DSCAML1: variants seen among roughly 807,000 people sequenced by gnomAD.
The protein encoded by DSCAML1 is DS cell adhesion molecule like 1, also known as cell adhesion molecule DSCAML1.
A neutral mutation model predicts 200.5 loss-of-function variants in DSCAML1; 38 were observed. The observed-to-expected ratio is 0.19, with a 90% CI of 0.15 to 0.25. The LOEUF (loss-of-function observed/expected upper bound fraction) is 0.25. DSCAML1 is among the 10% of genes least tolerant of loss of function. The pLI is 1.00. For synonymous variants in DSCAML1, 1,215 were observed against 1,165.0 expected (o/e 1.04, Z -0.87); for missense variants, 2,223 against 2,858.8 (o/e 0.78, Z 5.07).
intron 3 of DSCAML1, among the ~76,000 whole-genome samples, chr11:117,701,274 T>TAAAG (rs1326757367): frequency 6.7e-6 from 1 of 149,206 alleles, no homozygotes; most frequent in Non-Finnish European, 1.5e-5. Context: ...TCAAAATAAA[T>TAAAG]AAATAAATAA....
intron 1 of DSCAML1, among the ~76,000 whole-genome samples, chr11:117,814,530 T>A (rs2055787288): frequency 6.6e-6 from 1 of 152,192 alleles, no homozygotes. Flanking sequence ...TGGTAATCAA[T>A]CACTCATTCA....
intron 4 of DSCAML1, among the ~76,000 whole-genome samples, chr11:117,527,255 T>C (rs1236572819): frequency 6.6e-6 from 1 of 152,174 alleles, no homozygotes; most frequent in African/African-American, 2.4e-5. Flanking sequence ...CTTCAGAAAG[T>C]ATAGAAGAGC....
At chr11:117,726,931 C>T (rs190152185) in intron 3 of DSCAML1, among the ~76,000 whole-genome samples, 1 of 152,234 alleles carries the variant, frequency 6.6e-6, no homozygotes, top group African/African-American at 2.4e-5. Context: ...GTACCCCAGG[C>T]AGCACGTAGC....
chr11:117,667,642 C>T (rs537732784), intron 3 of DSCAML1, among the ~76,000 whole-genome samples: 2 of 152,318 alleles, frequency 1.3e-5, no homozygotes, highest in Admixed American at 1.3e-4. Context: ...TTCCCACTAG[C>T]CCCTCAGCCT....
intron 3 of DSCAML1, among the ~76,000 whole-genome samples, chr11:117,650,700 T>TGTGTGGGCGC (rs147584706): frequency 6.8e-6 from 1 of 147,352 alleles, no homozygotes; most frequent in East Asian, 2.1e-4. Context: ...TGTGTGTGTG[T>TGTGTGGGCGC]GCGTGTGTGT....
intron 14 of DSCAML1, among the ~76,000 whole-genome samples, chr11:117,479,166 TC>T: frequency 6.6e-6 from 1 of 152,224 alleles, no homozygotes; most frequent in Admixed American, 6.5e-5. Context: ...ACTTGGCCAA[TC>T]AAGAGGAGAG....
chr11:117,654,644 CT>C (rs2052697918), intron 3 of DSCAML1, among the ~76,000 whole-genome samples: 1 of 152,170 alleles, frequency 6.6e-6, no homozygotes, highest in African/African-American at 2.4e-5. Context: ...GATGTCACTG[CT>C]CTGGGAAGCT....
At position 117,714,871 on chromosome 11, in the gene DSCAML1, T is replaced by C. The variant is rs1409689583; in HGVS notation, c.511+61920A>G. Reference sequence around the variant, plus strand: ...AAGGTGCCACACTTGCCCAAAGCCATGGAGACACACGATGACGCAGCTGGA... The same window carrying C: ...AAGGTGCCACACTTGCCCAAAGCCACGGAGACACACGATGACGCAGCTGGA... On this transcript the variant is annotated intron_variant, in intron 3 of 32. Transcript: ENST00000651296. Among the ~76,000 whole-genome samples the C allele has an allele frequency of 1.0e-4, 14 of 137,114 alleles. No individual in the cohort carries two copies. In the South Asian group the frequency reaches 1.9e-3, roughly 19 times the overall value. 90.0% of individuals were successfully genotyped at this position (137,114 alleles called of 152,430 possible).
At chr11:117,738,000 T>A (rs1591456572) in intron 3 of DSCAML1, among the ~76,000 whole-genome samples, 1 of 152,022 alleles carries the variant, frequency 6.6e-6, no homozygotes, top group African/African-American at 2.4e-5. Context: ...TGGAAAGAAA[T>A]TGGAGGCACT....
intron 11 of DSCAML1, among the ~76,000 whole-genome samples, chr11:117,483,493 A>G (rs1243762412): frequency 2.6e-5 from 4 of 152,214 alleles, no homozygotes; most frequent in African/African-American, 9.6e-5. Flanking sequence ...AGTGAATAGG[A>G]CAAACATGGC....
intron 21 of DSCAML1, among the ~76,000 whole-genome samples, chr11:117,440,202 C>G (rs983151806): frequency 6.6e-6 from 1 of 152,150 alleles, no homozygotes; most frequent in African/African-American, 2.4e-5. Flanking sequence ...CCTGTCCTCA[C>G]GTTGATCACC....
chr11:117,592,122 G>A (rs1310012086), intron 3 of DSCAML1, among the ~76,000 whole-genome samples: 1 of 152,080 alleles, frequency 6.6e-6, no homozygotes, highest in Non-Finnish European at 1.5e-5. Flanking sequence ...GGTAGGGCAG[G>A]GGCCCTAGGA....
Position 117,435,753 on chromosome 11 carries a change from C to T in DSCAML1, c.4767G>A (p.Val1589=). 1 of 1,613,458 alleles carries T rather than the reference C, an allele frequency of 6.2e-7. No individual in the cohort carries two copies. The highest frequency in any genetic ancestry group is 8.5e-7 in the Non-Finnish European group (1 of 1,179,402). Residue 1589 remains valine (V), a synonymous_variant, in exon 27 of 33, where the codon GTG becomes GTA. Coordinates refer to ENST00000651296, the MANE Select transcript of DSCAML1 (RefSeq NM_020693.4). ...GGCAGCCGATGGTGAACAGCTTCTT[C>T]ACATCATCCCCTTCACCTTGAGCAG... is the stretch of plus-strand genomic sequence containing the variant. The part of the protein sequence containing the change: ...IKSAQGEGDD[V]KKLFTIGCPV...
At chr11:117,595,344 C>T (rs2051343674) in intron 3 of DSCAML1, among the ~76,000 whole-genome samples, 1 of 152,118 alleles carries the variant, frequency 6.6e-6, no homozygotes, top group Non-Finnish European at 1.5e-5. Flanking sequence ...CAAAGTAAGA[C>T]AATAAAAATG....
intron 3 of DSCAML1, among the ~76,000 whole-genome samples, chr11:117,769,231 TTATATATTTTATATATG>T (rs2054965233): frequency 5.4e-5 from 2 of 36,972 alleles, no homozygotes; most frequent in East Asian, 2.0e-3. Flanking sequence ...ATTGTATATA[TTATATATTTTATATATG>T]TATATATTAT....
chr11:117,750,897 T>A (rs1487859740), intron 3 of DSCAML1, among the ~76,000 whole-genome samples: 1 of 152,140 alleles, frequency 6.6e-6, no homozygotes, highest in Non-Finnish European at 1.5e-5. Context: ...TAGGTTTCCA[T>A]GGGCAGGATG....
At chr11:117,656,533 AT>A (rs2052739553) in intron 3 of DSCAML1, among the ~76,000 whole-genome samples, 1 of 151,948 alleles carries the variant, frequency 6.6e-6, no homozygotes, top group South Asian at 2.1e-4. Context: ...CTATCTATCT[AT>A]CTATCTATCT....
chr11:117,639,803 G>A (rs536345274), intron 3 of DSCAML1, among the ~76,000 whole-genome samples: 18 of 152,210 alleles, frequency 1.2e-4, no homozygotes, highest in African/African-American at 4.3e-4. Context: ...CGGGAACTCT[G>A]GTGGCCTCCC....
chr11:117,625,417 T>G (rs10790195), intron 3 of DSCAML1, among the ~76,000 whole-genome samples: 5 of 152,174 alleles, frequency 3.3e-5, no homozygotes, highest in African/African-American at 1.2e-4. Context: ...AAATGACTGA[T>G]GAGCAGGGGA....
Sources: gnomAD v4.1 joint callset for allele counts (sites outside exome capture counted in the v4.1 genomes callset) on GRCh38, gnomAD v4.1.1 for gene constraint, MANE v1.5 for transcripts, NCBI Gene and HGNC (gene_info 2026-07-23, HGNC 2026-07-21) for gene names.